MIPOL1: variants seen among roughly 807,000 people sequenced by gnomAD.
MIPOL1 encodes mirror-image polydactyly 1.
A neutral mutation model predicts 60.9 loss-of-function variants in MIPOL1; 57 were observed. The observed-to-expected ratio is 0.94, with a 90% CI of 0.76 to 1.17. The LOEUF is 1.17. Among genes scored for constraint, MIPOL1 ranks in the 50% most tolerant of loss-of-function variants. The probability of loss-of-function intolerance (pLI) is 0.00; values close to 1 mark genes in which losing one functional copy is unlikely to be tolerated. For missense variants in MIPOL1, 551 were observed against 511.6 expected (o/e 1.08, Z -0.74); for synonymous variants, 179 against 168.8 (o/e 1.06, Z -0.47).
In MIPOL1 at chr14:37,550,815, A is replaced by C. The variant is rs1035019359; in HGVS notation, c.*3844A>C. On this transcript the variant is annotated 3_prime_UTR_variant, in exon 13 of 13. Transcript: ENST00000684589. ...AGCATACGTTCCAGAAGAGCATCTC[A>C]AGTTACCAAATTTTTTGTAATCCTT... 8 of 152,518 alleles carry C rather than the reference A, an allele frequency of 5.2e-5. No individual in the cohort carries two copies. Among genetic ancestry groups the C allele is most frequent in the Non-Finnish European group, 1.0e-4 (7 of 67,988 alleles). 9.4% of individuals were successfully genotyped at this position (152,518 alleles called of 1,614,324 possible).
intron 12 of MIPOL1, among the ~76,000 whole-genome samples, chr14:37,508,479 AATGAACAT>A (rs1163541531): frequency 2.6e-5 from 4 of 152,182 alleles, no homozygotes; most frequent in African/African-American, 9.6e-5. Context: ...TTTATTGTAC[AATGAACAT>A]ATGTTTATGG....
At chr14:37,224,724 A>C (rs1359780526) in intron 1 of MIPOL1, among the ~76,000 whole-genome samples, 1 of 152,040 alleles carries the variant, frequency 6.6e-6, no homozygotes, top group Non-Finnish European at 1.5e-5. Flanking sequence ...GCCCCTCCCA[A>C]ATCTCATGTT....
intron 11 of MIPOL1, among the ~76,000 whole-genome samples, chr14:37,451,806 C>CTTTTT (rs2094420771): frequency 9.4e-6 from 1 of 106,182 alleles, no homozygotes; most frequent in African/African-American, 4.7e-5. Flanking sequence ...TGTTTATTCT[C>CTTTTT]TCTTTTTTTT....
At chr14:37,475,052 C>T (rs1032689040) in intron 11 of MIPOL1, among the ~76,000 whole-genome samples, 1 of 151,924 alleles carries the variant, frequency 6.6e-6, no homozygotes, top group Non-Finnish European at 1.5e-5. Flanking sequence ...GCAGTCTCCA[C>T]CTCCCGGGTT....
intron 10 of MIPOL1, among the ~76,000 whole-genome samples, chr14:37,402,411 G>T (rs1247572108): frequency 6.6e-6 from 1 of 152,206 alleles, no homozygotes; most frequent in African/African-American, 2.4e-5. Context: ...ATAGGAAAAA[G>T]ATGTGAAAGA....
chr14:37,271,938 A>G (rs1461294031), intron 6 of MIPOL1, among the ~76,000 whole-genome samples: 2 of 151,588 alleles, frequency 1.3e-5, no homozygotes, highest in Non-Finnish European at 3.0e-5. Context: ...TTAAGCAATA[A>G]TATTTACTCT....
chr14:37,207,821 C>T (rs1464318832), intron 1 of MIPOL1, among the ~76,000 whole-genome samples: 2 of 152,188 alleles, frequency 1.3e-5, no homozygotes, highest in African/African-American at 2.4e-5. Flanking sequence ...GCTGGGATTA[C>T]AGGTGTGAGC....
chr14:37,494,384 G>C (rs962876489), intron 11 of MIPOL1, among the ~76,000 whole-genome samples: 5 of 152,176 alleles, frequency 3.3e-5, no homozygotes, highest in Non-Finnish European at 5.9e-5. Flanking sequence ...GACCCACGTA[G>C]GTGTATCTAA....
intron 7 of MIPOL1, among the ~76,000 whole-genome samples, chr14:37,295,274 A>C (rs984206050): frequency 2.0e-5 from 3 of 152,226 alleles, no homozygotes; most frequent in Non-Finnish European, 4.4e-5. Context: ...TGTCACCACC[A>C]TGCCTGCTCT....
intron 12 of MIPOL1, among the ~76,000 whole-genome samples, chr14:37,529,326 T>C (rs971972141): frequency 1.3e-5 from 2 of 152,184 alleles, no homozygotes; most frequent in African/African-American, 4.8e-5. Flanking sequence ...AATTGTGTCA[T>C]GTATTTAGCA....
At chr14:37,236,019 C>T (rs1020382130) in intron 1 of MIPOL1, among the ~76,000 whole-genome samples, 12 of 151,856 alleles carry the variant, frequency 7.9e-5, no homozygotes, top group African/African-American at 2.2e-4. Flanking sequence ...CTCCGCCTCC[C>T]GGGTTCAAAT....
At chr14:37,337,648 G>C (rs188215854) in intron 9 of MIPOL1, among the ~76,000 whole-genome samples, 307 of 151,846 alleles carry the variant, frequency 2.0e-3, no homozygotes, top group African/African-American at 7.2e-3. Flanking sequence ...GATTACAGGC[G>C]TGAGCCACTG....
At chr14:37,296,209 G>A (rs1350510327) in intron 7 of MIPOL1, among the ~76,000 whole-genome samples, 1 of 152,110 alleles carries the variant, frequency 6.6e-6, no homozygotes, top group Admixed American at 6.5e-5. Flanking sequence ...TGACTACTAG[G>A]TACATAACAA....
intron 10 of MIPOL1, among the ~76,000 whole-genome samples, chr14:37,370,158 A>G (rs1239745597): frequency 6.6e-6 from 1 of 152,220 alleles, no homozygotes; most frequent in Non-Finnish European, 1.5e-5. Flanking sequence ...AACTTTAAAC[A>G]AGTGAAATAC....
At chr14:37,321,973 G>T (rs942817856) in intron 9 of MIPOL1, among the ~76,000 whole-genome samples, 9 of 151,886 alleles carry the variant, frequency 5.9e-5, no homozygotes, top group Admixed American at 5.3e-4. Context: ...GAATTTTACA[G>T]TGAACGTTTA....
intron 7 of MIPOL1, among the ~76,000 whole-genome samples, chr14:37,294,480 G>A (rs2085424450): frequency 6.6e-6 from 1 of 152,164 alleles, no homozygotes; most frequent in Non-Finnish European, 1.5e-5. Flanking sequence ...CGAATTGAGA[G>A]AGGAAGGCTT....
At chr14:37,392,837 G>T (rs1245152705) in intron 10 of MIPOL1, among the ~76,000 whole-genome samples, 2 of 152,154 alleles carry the variant, frequency 1.3e-5, no homozygotes, top group Non-Finnish European at 2.9e-5. Flanking sequence ...GTTTATTAAA[G>T]AAATTAAAGT....
At chr14:37,210,089 C>T (rs954615424) in intron 1 of MIPOL1, among the ~76,000 whole-genome samples, 3 of 151,968 alleles carry the variant, frequency 2.0e-5, no homozygotes, top group Admixed American at 6.6e-5. Flanking sequence ...GAAAAACGCT[C>T]AAACTGTGTT....
intron 11 of MIPOL1, among the ~76,000 whole-genome samples, chr14:37,453,511 C>T (rs2094445011): frequency 6.6e-6 from 1 of 151,988 alleles, no homozygotes; most frequent in Non-Finnish European, 1.5e-5. Flanking sequence ...TGGCTGGAAT[C>T]TTGGCTTTAC....
Sources: allele counts gnomAD v4.1 joint callset (sites outside exome capture counted in the v4.1 genomes callset), GRCh38; gene constraint gnomAD v4.1.1; transcripts MANE v1.5; gene names NCBI Gene and HGNC (gene_info 2026-07-23, HGNC 2026-07-21).